Variants in RRAS2 observed in about 807,000 individuals in gnomAD.
RRAS2 encodes the protein ras-related protein R-Ras2.
In RRAS2, 7 loss-of-function variants were observed where a neutral mutation model predicts 27.6. That is an observed-to-expected ratio of 0.25 (90% CI 0.14 to 0.48). RRAS2 has a LOEUF of 0.48. RRAS2 is among the 20% of genes least tolerant of loss of function. The pLI is 0.99. For missense variants in RRAS2, 178 were observed against 256.2 expected, an observed-to-expected ratio of 0.69 and a Z score of 2.08; for synonymous variants, 86 against 90.9, an observed-to-expected ratio of 0.95 and a Z score of 0.31.
intron 1 of RRAS2, among the ~76,000 whole-genome samples, chr11:14,306,576 A>G (rs1375761283): frequency 6.6e-6 from 1 of 152,096 alleles, no homozygotes; most frequent in Non-Finnish European, 1.5e-5. Flanking sequence ...TTACCCACCA[A>G]CAACTCTCCA....
At chr11:14,296,890 T>C (rs910838745) in intron 1 of RRAS2, among the ~76,000 whole-genome samples, 13 of 152,132 alleles carry the variant, frequency 8.5e-5, no homozygotes, top group African/African-American at 3.1e-4. Flanking sequence ...ATTTCAGTTT[T>C]ATTTAAAAGG....
At chr11:14,349,486 T>C (rs550230751) in intron 1 of RRAS2, among the ~76,000 whole-genome samples, 40 of 152,158 alleles carry the variant, frequency 2.6e-4, no homozygotes, top group Non-Finnish European at 5.4e-4. Context: ...TCTAAAACTA[T>C]GAATTTATGC....
At chr11:14,343,596 C>T (rs965566568) in intron 1 of RRAS2, among the ~76,000 whole-genome samples, 7 of 151,990 alleles carry the variant, frequency 4.6e-5, no homozygotes, top group Non-Finnish European at 1.5e-5. Flanking sequence ...GGCCAAGGCA[C>T]GCAGGCAGAT....
In RRAS2 at chr11:14,323,067, T is replaced by C. The variant is rs563477984; in HGVS notation, c.109-27212A>G. Among the ~76,000 whole-genome samples, 19 of 152,252 alleles carry C rather than the reference T, an allele frequency of 1.2e-4. No homozygotes were observed. In the South Asian group the frequency reaches 3.9e-3, roughly 32 times the overall value. ...GCTAGAGGAGACATTTAAAAGAGAA[T>C]ACTATGAACAACTTTATGCAATAAA... On this transcript the variant is annotated intron_variant, in intron 1 of 5. Transcript: ENST00000256196.
At chr11:14,286,124 A>G (rs1157687181) in intron 4 of RRAS2, among the ~76,000 whole-genome samples, 1 of 152,198 alleles carries the variant, frequency 6.6e-6, no homozygotes, top group Non-Finnish European at 1.5e-5. Flanking sequence ...TCTTGATTGC[A>G]TAAAATAACG....
In RRAS2 at chr11:14,283,314, TTAATA is replaced by T. The variant is rs1272940227; in HGVS notation, c.409-1599_409-1595del. On this transcript the variant is annotated intron_variant, in intron 4 of 5. Transcript: ENST00000256196. ...CTTTTTATATATTGTTAAATTCTAT[TTAATA>T]TTTTATTAAGAATCTTTATATCTGT... 2.6e-5 allele frequency among the ~76,000 whole-genome samples: 4 copies of T among 152,216 alleles called. 1 individual carries two copies. The highest frequency in any genetic ancestry group is 3.2e-3 in the Middle Eastern group (1 of 316).
chr11:14,285,426 T>C (rs1554944898), intron 4 of RRAS2, among the ~76,000 whole-genome samples: 1 of 152,204 alleles, frequency 6.6e-6, no homozygotes, highest in Non-Finnish European at 1.5e-5. Flanking sequence ...TTCTCCCTCC[T>C]GCTCTTTTTT....
chr11:14,358,281 G>A lies in RRAS2; in HGVS notation c.108+482C>T. On this transcript the variant is annotated intron_variant, in intron 1 of 5. Coordinates refer to ENST00000256196, the MANE Select transcript of RRAS2 (RefSeq NM_012250.6). This position sits in a 1 kb window ranked among gnomAD's most constrained non-coding sequence, Gnocchi z 5.1. ...CTTGAAGCGGGCAGCTCCGGCTCAG[G>A]CGGCGCGGGGAAGCCCGGAGACCAC... 2.0e-6 allele frequency: 2 copies of A among 985,532 alleles called. No homozygotes were observed. Among genetic ancestry groups the A allele is most frequent in the African/African-American group, 1.7e-5 (1 of 57,386 alleles). The allele number at this position is 985,532 out of a possible 1,614,324, so 61.0% of individuals were successfully genotyped here. A position where few individuals can be genotyped will look rare whatever the true frequency, so the allele number is the denominator to read the frequency against.
Position 14,279,363 on chromosome 11 carries a change from T to C in RRAS2, c.589A>G (p.Lys197Glu), listed in dbSNP as rs1554943958. ...TAGAAAATGACACAATGGCAGCCTTTCTTGTCTTTTTCTTTCCGTGTTGGT... is the reference window on the plus strand; with the variant it reads ...TAGAAAATGACACAATGGCAGCCTTCCTTGTCTTTTTCTTTCCGTGTTGGT... ...PEPTRKEKDK[K>E]GCHCVIF Residue 197 changes from lysine to glutamate, a missense_variant, in exon 6 of 6, where the codon AAA (lysine) becomes GAA (glutamate). Coordinates refer to ENST00000256196, the MANE Select transcript of RRAS2 (RefSeq NM_012250.6). 6.2e-7 allele frequency: 1 copy of C among 1,612,344 alleles called. No homozygotes were observed. Among genetic ancestry groups the C allele is most frequent in the South Asian group, 1.1e-5 (1 of 91,048 alleles).
At chr11:14,285,239 C>G (rs1323323784) in intron 4 of RRAS2, among the ~76,000 whole-genome samples, 2 of 152,122 alleles carry the variant, frequency 1.3e-5, no homozygotes, top group East Asian at 3.8e-4. Flanking sequence ...CATACCAATT[C>G]AAGTATGGTT....
intron 4 of RRAS2, among the ~76,000 whole-genome samples, chr11:14,285,714 A>G (rs571017884): frequency 3.5e-4 from 54 of 152,312 alleles, no homozygotes; most frequent in Non-Finnish European, 6.6e-4. Flanking sequence ...AATGAATCCT[A>G]GTTGATAGTT....
At chr11:14,329,322 C>A (rs1232503614) in intron 1 of RRAS2, among the ~76,000 whole-genome samples, 3 of 152,078 alleles carry the variant, frequency 2.0e-5, no homozygotes, top group African/African-American at 2.4e-5. Flanking sequence ...CCATGTTGGT[C>A]AGGCTGGTCT....
chr11:14,296,426 TA>T (rs1847553181), intron 1 of RRAS2, among the ~76,000 whole-genome samples: 1 of 152,016 alleles, frequency 6.6e-6, no homozygotes, highest in African/African-American at 2.4e-5. Flanking sequence ...TGCAAGACTG[TA>T]AAAGATCTAC....
intron 1 of RRAS2, among the ~76,000 whole-genome samples, chr11:14,306,616 G>C (rs551757563): frequency 9.2e-5 from 14 of 152,156 alleles, no homozygotes; most frequent in African/African-American, 2.9e-4. Context: ...CCAGGATTTT[G>C]GGCAATACCT....
chr11:14,314,514 T>A (rs1267105705), intron 1 of RRAS2, among the ~76,000 whole-genome samples: 1 of 152,230 alleles, frequency 6.6e-6, no homozygotes, highest in Non-Finnish European at 1.5e-5. Flanking sequence ...TTGACTAATG[T>A]TCTTCCACAT....
Position 14,359,171 on chromosome 11 carries a change from CA to C in RRAS2, c.-302del. 1 of 1,001,618 alleles carries C rather than the reference CA, an allele frequency of 1.0e-6. No individual in the cohort carries two copies. The highest frequency in any genetic ancestry group is 1.8e-5 in the African/African-American group (1 of 56,988). The allele number at this position is 1,001,618 out of a possible 1,614,324, so 62.0% of individuals were successfully genotyped here. ...CCGAACGCAGCCTCCAGCGCCGCCA[CA>C]AATGGCCGTCTGGGGGCCGGGCTGC... On this transcript the variant is annotated 5_prime_UTR_variant, in exon 1 of 6. Coordinates refer to ENST00000256196, the MANE Select transcript of RRAS2 (RefSeq NM_012250.6).
rs1249085982 is a variant in RRAS2 at position 14,330,545 on chromosome 11, G to T, written c.108+28218C>A. ...AAAAACTGGTTCCTTGGGGTTGGGG[G>T]AACACCATACTCAGAAACTTAAATG... On this transcript the variant is annotated intron_variant, in intron 1 of 5. Coordinates refer to ENST00000256196, the MANE Select transcript of RRAS2 (RefSeq NM_012250.6). Among the ~76,000 whole-genome samples the T allele has an allele frequency of 2.0e-5, 3 of 152,140 alleles. No individual in the cohort carries two copies. The South Asian group carries it at 6.2e-4, about 32-fold the overall frequency.
intron 1 of RRAS2, among the ~76,000 whole-genome samples, chr11:14,339,967 A>AAAATAGCCG (rs1554953074): frequency 6.6e-6 from 1 of 151,776 alleles, no homozygotes; most frequent in Non-Finnish European, 1.5e-5. Context: ...CACACACAAA[A>AAAATAGCCG]AAATAGCCGG....
intron 4 of RRAS2, among the ~76,000 whole-genome samples, chr11:14,291,052 G>A (rs537447490): frequency 7.2e-5 from 11 of 152,152 alleles, no homozygotes; most frequent in African/African-American, 2.7e-4. Flanking sequence ...ATAGACAGAT[G>A]AACAGTTTAT....
Sources: gnomAD v4.1 joint callset for allele counts (sites outside exome capture counted in the v4.1 genomes callset) on GRCh38, gnomAD v4.1.1 for gene constraint, Gnocchi (gnomAD v3.1) non-coding constraint, MANE v1.5 for transcripts, NCBI Gene and HGNC (gene_info 2026-07-23, HGNC 2026-07-21) for gene names.